The following OOEP variants were observed in gnomAD, a reference collection of about 807,000 sequenced individuals.
The protein encoded by OOEP is oocyte expressed protein, also known as oocyte-expressed protein homolog.
A neutral mutation model predicts 13.7 loss-of-function variants in OOEP; 16 were observed. The observed-to-expected ratio is 1.16, with a 90% confidence interval of 0.79 to 1.77. OOEP has a LOEUF of 1.77. Among genes scored for constraint, OOEP ranks in the 40% most tolerant of loss-of-function variants. The pLI, the probability that OOEP is intolerant of heterozygous loss-of-function variation, is 0.00. For missense variants in OOEP, 195 were observed against 193.1 expected (o/e 1.01, Z -0.06); for synonymous variants, 89 against 77.1 (o/e 1.15, Z -0.81).
intron 2 of OOEP, among the ~76,000 whole-genome samples, chr6:73,392,619 C>CTT (rs70994198): frequency 6.8e-5 from 3 of 44,034 alleles, no homozygotes; most frequent in Admixed American, 4.6e-4. Flanking sequence ...CCTAGGTAAT[C>CTT]TTTTTTTTTT....
chr6:73,389,770 C>T (rs1769321806), intron 2 of OOEP, among the ~76,000 whole-genome samples: 2 of 152,228 alleles, frequency 1.3e-5, no homozygotes, highest in African/African-American at 4.8e-5. Flanking sequence ...GGGTGCAGCA[C>T]ACCAACATGG....
Position 73,369,568 on chromosome 6 carries a change from G to C in OOEP, c.190+35C>G, listed in dbSNP as rs192404880. The stretch of plus-strand genomic sequence containing the variant: ...CTGCCAAGCCTCTCTCAGACTGGAG[G>C]TGGACAGCCCACTAGCACACCTGGG... On this transcript the variant is annotated intron_variant, in intron 1 of 2. Coordinates refer to ENST00000370359, the MANE Select transcript of OOEP (RefSeq NM_001080507.3). The C allele has an allele frequency of 1.9e-6, 3 of 1,599,408 alleles. No individual in the cohort carries two copies. In the Admixed American group the frequency reaches 5.0e-5, roughly 27 times the overall value.
chr6:73,389,712 G>T (rs150003869), intron 2 of OOEP, among the ~76,000 whole-genome samples: 8,995 of 141,628 alleles, frequency 0.064, 328 homozygotes, highest in South Asian at 0.13. Context: ...GGGGAGGGGG[G>T]AAGGGATAGC....
intron 2 of OOEP, among the ~76,000 whole-genome samples, chr6:73,387,467 T>C (rs1459997974): frequency 3.3e-5 from 5 of 152,030 alleles, no homozygotes; most frequent in Non-Finnish European, 5.9e-5. Flanking sequence ...TGAGCCGAGA[T>C]AGCACCACTG....
At chr6:73,387,083 T>G (rs1272748896) in intron 2 of OOEP, among the ~76,000 whole-genome samples, 3 of 151,232 alleles carry the variant, frequency 2.0e-5, no homozygotes, top group African/African-American at 7.3e-5. Flanking sequence ...TGCTCACGGC[T>G]TAAAATATCT....
chr6:73,394,298 T>A (rs916317959), intron 2 of OOEP: 7 of 714,100 alleles, frequency 9.8e-6, no homozygotes, highest in Non-Finnish European at 1.6e-5. Flanking sequence ...AATCTGTTGT[T>A]TCAAGTTTTT....
intron 2 of OOEP, among the ~76,000 whole-genome samples, chr6:73,384,095 C>CTAAA (rs1314070200): frequency 6.6e-6 from 1 of 151,602 alleles, no homozygotes; most frequent in Admixed American, 6.6e-5. Context: ...GACCCTGTCT[C>CTAAA]TAAATAAATA....
exon 1 of OOEP, chr6:73,394,790 G>T (rs1028869681): frequency 4.1e-5 from 60 of 1,463,354 alleles, no homozygotes; most frequent in Non-Finnish European, 5.5e-5. Context: ...CTAGCCTCGT[G>T]CGGGCTCCTT....
Position 73,368,997 on chromosome 6 carries a change from C to T in OOEP, c.371-134G>A, listed in dbSNP as rs555928468. On this transcript the variant is annotated intron_variant, in intron 2 of 2. Transcript: ENST00000370359. Reference sequence around the variant, plus strand: ...GTAACCCAGGTGAGGCTGACTTGGGCAGTGATGGGTCTGAATCTATCAGAT... The same window carrying T: ...GTAACCCAGGTGAGGCTGACTTGGGTAGTGATGGGTCTGAATCTATCAGAT... 8.5e-6 allele frequency: 7 copies of T among 821,296 alleles called. No homozygotes were observed. In the East Asian group the frequency reaches 1.8e-4, roughly 22 times the overall value. 50.9% of individuals were successfully genotyped at this position (821,296 alleles called of 1,614,324 possible). A position where few individuals can be genotyped will look rare whatever the true frequency, so the allele number is the denominator to read the frequency against.
chr6:73,376,679 T>G (rs1366913359), intron 2 of OOEP, among the ~76,000 whole-genome samples: 1 of 149,602 alleles, frequency 6.7e-6, no homozygotes, highest in Non-Finnish European at 1.5e-5. Flanking sequence ...TGAGATGGAG[T>G]CTCACTCTGT....
In OOEP at chr6:73,369,864, C is replaced by G. The variant is rs934531697; in HGVS notation, c.-72G>C. 1.5e-5 allele frequency: 21 copies of G among 1,411,110 alleles called. No individual in the cohort carries two copies. In the African/African-American group the frequency reaches 2.4e-4, roughly 16 times the overall value. 87.4% of individuals were successfully genotyped at this position (1,411,110 alleles called of 1,614,324 possible). A position where few individuals can be genotyped will look rare whatever the true frequency, so the allele number is the denominator to read the frequency against. On this transcript the variant is annotated 5_prime_UTR_variant, in exon 1 of 3. Transcript: ENST00000370359. ...ACCTCTTCCAGACCCAGGCGCGAAG[C>G]TCGGGCTCTCTTTTACCATATTCGA...
chr6:73,370,195 G>C (rs1377507468), upstream of OOEP: 1 of 184,398 alleles, frequency 5.4e-6, no homozygotes, highest in Non-Finnish European at 1.2e-5. Flanking sequence ...GCTAGGTTAA[G>C]GTTTCATCGT....
At chr6:73,377,968 C>T (rs62440590) in intron 2 of OOEP, among the ~76,000 whole-genome samples, 2,710 of 152,292 alleles carry the variant, frequency 0.018, 36 homozygotes, top group Admixed American at 0.028. Context: ...GAGCCACCAC[C>T]GCACCTACAA....
chr6:73,371,085 C>T (rs905302110), upstream of OOEP, among the ~76,000 whole-genome samples: 2 of 152,040 alleles, frequency 1.3e-5, no homozygotes, highest in African/African-American at 2.4e-5. Context: ...GGATTACAGG[C>T]GTGAGCCACC....
intron 2 of OOEP, among the ~76,000 whole-genome samples, chr6:73,389,447 G>A (rs556399211): frequency 1.3e-5 from 2 of 152,118 alleles, no homozygotes; most frequent in African/African-American, 4.8e-5. Context: ...AACTTGAAAG[G>A]CCCGCAGGCA....
intron 2 of OOEP, among the ~76,000 whole-genome samples, chr6:73,393,955 G>A (rs1769390213): frequency 1.3e-5 from 2 of 152,196 alleles, no homozygotes; most frequent in South Asian, 4.1e-4. Context: ...AGGTTTGAGG[G>A]AGGCACATTT....
upstream of OOEP, chr6:73,370,081 G>T (rs12214703): frequency 0.044 from 19,442 of 437,152 alleles, 500 homozygotes; most frequent in East Asian, 0.063. Flanking sequence ...ATCTCTGCTC[G>T]TAAGGTATGC....
At chr6:73,384,708 C>T (rs1380692770) in intron 2 of OOEP, among the ~76,000 whole-genome samples, 1 of 151,914 alleles carries the variant, frequency 6.6e-6, no homozygotes, top group African/African-American at 2.4e-5. Context: ...CCTGCCTCAA[C>T]CTCCCAGCAT....
intron 2 of OOEP, among the ~76,000 whole-genome samples, chr6:73,375,381 C>T (rs1769123420): frequency 1.3e-5 from 2 of 151,930 alleles, no homozygotes; most frequent in South Asian, 2.1e-4. Flanking sequence ...AGTTGGAGAC[C>T]AGCCTGGGCA....
Sources: allele counts gnomAD v4.1 joint callset (sites outside exome capture counted in the v4.1 genomes callset), GRCh38; gene constraint gnomAD v4.1.1; transcripts MANE v1.5; gene names NCBI Gene and HGNC (gene_info 2026-07-23, HGNC 2026-07-21).